The following PRAG1 variants were observed in gnomAD, a reference collection of about 807,000 sequenced individuals.
The protein encoded by PRAG1 is inactive tyrosine-protein kinase PRAG1.
Under a neutral mutation model 95.6 loss-of-function variants are expected in PRAG1, and 110 were observed. The ratio of observed to expected loss-of-function variants is 1.15; its 90% CI spans 0.99 to 1.35. The LOEUF (loss-of-function observed/expected upper bound fraction) is 1.35, where lower values mean the gene tolerates loss of function less well. PRAG1 is among the 40% of genes most tolerant of loss of function. The probability of loss-of-function intolerance (pLI) is 0.00; values close to 1 mark genes in which losing one functional copy is unlikely to be tolerated. For synonymous variants in PRAG1, 1,052 were observed against 819.4 expected, an observed-to-expected ratio of 1.28 and a Z score of -4.85; for missense variants, 2,554 against 1,864.7, an observed-to-expected ratio of 1.37 and a Z score of -6.81.
intron 3 of PRAG1, among the ~76,000 whole-genome samples, chr8:8,348,820 A>G (rs1799428028): frequency 6.6e-6 from 1 of 152,146 alleles, no homozygotes; most frequent in Non-Finnish European, 1.5e-5. Flanking sequence ...TAATTGTTTG[A>G]TGTGAAATAG....
chr8:8,371,131 CA>C (rs549978543), intron 3 of PRAG1, among the ~76,000 whole-genome samples: 3,114 of 81,542 alleles, frequency 0.038, 59 homozygotes, highest in African/African-American at 0.1. Context: ...GATTCTGTCT[CA>C]AAAAAAAAAA....
rs575988536 is a variant in PRAG1, at chr8:8,382,811, G to T, written c.-87-977C>A. ...AGGTAGCTGTTGTCCCAATTTTACA[G>T]GTGGGGAAACTATGGCAAACACAAG... On this transcript the variant is annotated intron_variant, in intron 1 of 5. Transcript: ENST00000615670. Among the ~76,000 whole-genome samples the T allele has an allele frequency of 3.3e-5, 5 of 152,260 alleles. No homozygotes were observed. The East Asian group carries it at 7.7e-4, about 24-fold the overall frequency.
chr8:8,381,934 G>C, intron 1 of PRAG1, 100 bp from the exon 2 acceptor site: 1 of 541,610 alleles, frequency 1.8e-6, no homozygotes, highest in Admixed American at 3.5e-5. Context: ...AGAAGGAGGA[G>C]AAAAAGGTAA....
At chr8:8,321,884 GA>G (rs1798481684) in intron 5 of PRAG1, among the ~76,000 whole-genome samples, 1 of 152,176 alleles carries the variant, frequency 6.6e-6, no homozygotes, top group Non-Finnish European at 1.5e-5. Flanking sequence ...TTTCCTAGGG[GA>G]AATACAAGGT....
intron 4 of PRAG1, among the ~76,000 whole-genome samples, chr8:8,337,522 G>C (rs563553969): frequency 2.0e-5 from 3 of 152,234 alleles, no homozygotes; most frequent in South Asian, 4.2e-4. Flanking sequence ...CATGCCTTTG[G>C]TCTCTTGCCA....
intron 3 of PRAG1, among the ~76,000 whole-genome samples, chr8:8,375,545 T>C (rs183442711): frequency 6.6e-6 from 1 of 152,090 alleles, no homozygotes; most frequent in Non-Finnish European, 1.5e-5. Context: ...CCTAACCACA[T>C]GTAAAACTTC....
chr8:8,339,775 G>C, intron 3 of PRAG1, 140 bp from the exon 4 acceptor site: 1 of 779,194 alleles, frequency 1.3e-6, no homozygotes, highest in Non-Finnish European at 2.0e-6. Context: ...AAAAGATTTT[G>C]GGGAGACAGT....
At chr8:8,321,871 G>A (rs563783624) in intron 5 of PRAG1, among the ~76,000 whole-genome samples, 4 of 152,284 alleles carry the variant, frequency 2.6e-5, no homozygotes, top group South Asian at 2.1e-4. Context: ...ATAGTGAACC[G>A]TTTTTCCTAG....
intron 1 of PRAG1, among the ~76,000 whole-genome samples, chr8:8,384,160 A>G (rs1015303846): frequency 1.3e-5 from 2 of 152,158 alleles, no homozygotes; most frequent in Admixed American, 6.5e-5. Flanking sequence ...CTCAGGGTCT[A>G]TCACAGATTC....
At chr8:8,363,551 G>A (rs1278744563) in intron 3 of PRAG1, among the ~76,000 whole-genome samples, 12 of 152,184 alleles carry the variant, frequency 7.9e-5, no homozygotes, top group African/African-American at 2.9e-4. Context: ...GTGGTTCCCA[G>A]AGGCTAAGGG....
chr8:8,379,518 G>A (rs1453012026), intron 2 of PRAG1, among the ~76,000 whole-genome samples: 2 of 152,192 alleles, frequency 1.3e-5, no homozygotes, highest in African/African-American at 2.4e-5. Context: ...GGAAAAAACA[G>A]AGCAGCCCGG....
intron 3 of PRAG1, among the ~76,000 whole-genome samples, chr8:8,362,842 G>C (rs1563248093): frequency 1.3e-5 from 2 of 152,152 alleles, no homozygotes. Flanking sequence ...AGCTTAGCCT[G>C]ATTGGCTAAC....
intron 3 of PRAG1, among the ~76,000 whole-genome samples, chr8:8,353,273 T>C (rs939639912): frequency 6.6e-6 from 1 of 152,096 alleles, no homozygotes; most frequent in Non-Finnish European, 1.5e-5. Flanking sequence ...CTAGCACACA[T>C]GGAACTTTTT....
intron 3 of PRAG1, among the ~76,000 whole-genome samples, chr8:8,348,450 C>T (rs1799416334): frequency 6.6e-6 from 1 of 152,192 alleles, no homozygotes; most frequent in Non-Finnish European, 1.5e-5. Flanking sequence ...TTCCATTGTA[C>T]ACATTCCAAC....
rs750533526 is a variant in PRAG1, at chr8:8,376,775, G to A, written c.1634C>T (p.Pro545Leu). Residue 545 changes from proline (P) to leucine (L), a missense_variant, in exon 3 of 6, where the codon CCC becomes CTC. Physicochemically the swap from Pro to Leu is moderately conservative, Grantham distance 98 (BLOSUM62 -3). Transcript: ENST00000615670. ...AGGGCTACTCTTGGACAACTTGGGG[G>A]GAATGGCGGGCCTCTCCTTGGGCTT... ...ESKPKERPAIPPKLSKSSPVG... is the reference protein window; with the variant it reads ...ESKPKERPAILPKLSKSSPVG... 6.2e-7 allele frequency: 1 copy of A among 1,610,720 alleles called. No individual in the cohort carries two copies. The highest frequency in any genetic ancestry group is 2.2e-5 in the East Asian group (1 of 44,876).
In PRAG1 at chr8:8,318,183, G is replaced by GT. The variant is rs763075843; in HGVS notation, c.4191dup (p.Gln1398ThrfsTer50). On this transcript the variant is annotated frameshift_variant, in exon 6 of 6. Coordinates refer to ENST00000615670, the MANE Select transcript of PRAG1 (RefSeq NM_001080826.3). LOFTEE classifies it high-confidence loss of function. This position sits in a 1 kb window ranked among gnomAD's most constrained non-coding sequence, Gnocchi z 4.2. Reference sequence around the variant, plus strand: ...AGAAGCTGCAGGAGCTTCAGCGACTGTAAGAGGGCCCCGGGCTCCGCAGAC... The same window carrying GT: ...AGAAGCTGCAGGAGCTTCAGCGACTGTTAAGAGGGCCCCGGGCTCCGCAGAC... 1.2e-6 allele frequency: 2 copies of GT among 1,613,818 alleles called. No individual in the cohort carries two copies. Among genetic ancestry groups the GT allele is most frequent in the East Asian group, 2.2e-5 (1 of 44,880 alleles).
chr8:8,355,967 A>C lies in PRAG1; in HGVS notation c.2163-16332T>G, dbSNP rs565922715. Among the ~76,000 whole-genome samples, 6 of 152,360 alleles carry C rather than the reference A, an allele frequency of 3.9e-5. No individual in the cohort carries two copies. The East Asian group carries it at 1.2e-3, about 29-fold the overall frequency. ...AAACCTTCTGCACAGCAAAGGAAACAATCAACAAAATGAAAAGGCAACTTA... is the reference window on the plus strand; with the variant it reads ...AAACCTTCTGCACAGCAAAGGAAACCATCAACAAAATGAAAAGGCAACTTA... On this transcript the variant is annotated intron_variant, in intron 3 of 5. Transcript: ENST00000615670.
chr8:8,339,619 T>A lies in PRAG1; in HGVS notation c.2179A>T (p.Asn727Tyr). ...PPKSRHLLKMNKSSSDLEKVS... is the reference protein window; with the variant it reads ...PPKSRHLLKMYKSSSDLEKVS... ...TTTTCCAAATCAGAGCTGCTCTTGTTCATTTTTAGAAGGTGCCTGGAAAAG... is the reference window on the plus strand; with the variant it reads ...TTTTCCAAATCAGAGCTGCTCTTGTACATTTTTAGAAGGTGCCTGGAAAAG... The change falls in exon 4 of 6, where the codon AAC (asparagine) becomes TAC (tyrosine). Residue 727 changes from asparagine to tyrosine, a missense_variant. By Grantham distance (143) the Asn-to-Tyr change is moderately radical. Transcript: ENST00000615670. The A allele has an allele frequency of 6.2e-7, 1 of 1,612,146 alleles. No homozygotes were observed. The highest frequency in any genetic ancestry group is 8.5e-7 in the Non-Finnish European group (1 of 1,178,294).
At position 8,377,262 on chromosome 8, in the gene PRAG1, G is replaced by A. The variant is rs1800443968; in HGVS notation, c.1147C>T (p.Pro383Ser). The change falls in exon 3 of 6, where the codon CCA (proline) becomes TCA (serine). Residue 383 changes from proline (P) to serine (S), a missense_variant. Coordinates refer to ENST00000615670, the MANE Select transcript of PRAG1 (RefSeq NM_001080826.3). ...APEKQQDPGC[P>S]GVTPSRCLGL... ...AGGCATCTGCTAGGGGTCACCCCTG[G>A]GCAGCCAGGGTCCTGCTGCTTCTCT... 1 of 1,612,770 alleles carries A rather than the reference G, an allele frequency of 6.2e-7. No individual in the cohort carries two copies. Among genetic ancestry groups the A allele is most frequent in the South Asian group, 1.1e-5 (1 of 91,080 alleles).
Sources: gnomAD v4.1 joint callset for allele counts (sites outside exome capture counted in the v4.1 genomes callset) on GRCh38, gnomAD v4.1.1 for gene constraint, Gnocchi (gnomAD v3.1) non-coding constraint, MANE v1.5 for transcripts, NCBI Gene and HGNC (gene_info 2026-07-23, HGNC 2026-07-21) for gene names.